Variants in RGS7 observed in about 807,000 individuals in gnomAD.
RGS7 encodes regulator of G protein signaling 7.
Under a neutral mutation model 81.1 loss-of-function variants are expected in RGS7, and 27 were observed. That is an observed-to-expected ratio of 0.33 (90% CI 0.25 to 0.46). The LOEUF (loss-of-function observed/expected upper bound fraction) is 0.46. Ranked by LOEUF, RGS7 falls within the 20% of genes least tolerant of loss-of-function variation. The probability of loss-of-function intolerance (pLI) is 1.00; values close to 1 mark genes in which losing one functional copy is unlikely to be tolerated. For missense variants in RGS7, 396 were observed against 607.4 expected, an observed-to-expected ratio of 0.65 and a Z score of 3.66; for synonymous variants, 208 against 207.7, an observed-to-expected ratio of 1.00 and a Z score of -0.01.
At chr1:240,994,861 T>G (rs998562909) in intron 3 of RGS7, among the ~76,000 whole-genome samples, 9 of 152,060 alleles carry the variant, frequency 5.9e-5, no homozygotes, top group African/African-American at 2.2e-4. Context: ...TTTGTAGAAA[T>G]AGTGTCTCAC....
At chr1:240,893,038 T>C (rs922685871) in intron 6 of RGS7, among the ~76,000 whole-genome samples, 5 of 152,122 alleles carry the variant, frequency 3.3e-5, no homozygotes, top group African/African-American at 1.2e-4. Context: ...AGTTAAGTGA[T>C]AAATACTGTC....
chr1:241,013,571 G>A (rs546547), intron 3 of RGS7, among the ~76,000 whole-genome samples: 33,078 of 152,126 alleles, frequency 0.22, 3,812 homozygotes, highest in Middle Eastern at 0.32. Flanking sequence ...TAGTGTCGTG[G>A]TGTTGTTGTG....
At chr1:240,946,521 T>C (rs1230024856) in intron 4 of RGS7, among the ~76,000 whole-genome samples, 2 of 152,040 alleles carry the variant, frequency 1.3e-5, no homozygotes, top group Non-Finnish European at 2.9e-5. Context: ...GTGGGAGAAT[T>C]GCTTGAGCCC....
In RGS7 at chr1:240,924,578, C is replaced by T. The variant is rs1674117673; in HGVS notation, c.385+6139G>A. 1.3e-5 allele frequency among the ~76,000 whole-genome samples: 2 copies of T among 152,188 alleles called. 1 individual carries two copies. The highest frequency in any genetic ancestry group is 1.3e-4 in the Admixed American group (2 of 15,276). On this transcript the variant is annotated intron_variant, in intron 6 of 18. Transcript: ENST00000440928. ...CCAGAAAGTCTGTATCTCTCCCACA[C>T]ACATCTCTCCCTTCCATACTAAATA...
At chr1:240,920,547 T>A in intron 6 of RGS7, 1 of 858,174 alleles carries the variant, frequency 1.2e-6, no homozygotes, top group South Asian at 1.3e-5. Flanking sequence ...TGTCAAACCA[T>A]GAAACTAAGG....
intron 9 of RGS7, among the ~76,000 whole-genome samples, chr1:240,859,927 A>G (rs796974377): frequency 3.3e-5 from 5 of 152,268 alleles, no homozygotes; most frequent in South Asian, 4.1e-4. Flanking sequence ...GCTAGTTTGA[A>G]ATATTTTTAT....
rs141910619 is a variant in RGS7 at position 240,940,147 on chromosome 1, A to G, written c.227-3441T>C. Among the ~76,000 whole-genome samples the G allele has an allele frequency of 2.6e-4, 39 of 152,284 alleles. 1 individual carries two copies. In the East Asian group the frequency reaches 7.5e-3, roughly 29 times the overall value. On this transcript the variant is annotated intron_variant, in intron 4 of 18. Transcript: ENST00000440928. ...GTAACCCCTACTTTCCACTAGTTTT[A>G]TGCCCCCAATATATTCCCTAGTGAT...
rs112646005 is a variant in RGS7 at position 241,182,991 on chromosome 1, G to A, written c.79-84229C>T. 1.2e-3 allele frequency among the ~76,000 whole-genome samples: 184 copies of A among 148,392 alleles called. 1 individual carries two copies. Among genetic ancestry groups the A allele is most frequent in the African/African-American group, 4.0e-3 (162 of 40,068 alleles). On this transcript the variant is annotated intron_variant, in intron 2 of 18. Coordinates refer to ENST00000440928, the MANE Select transcript of RGS7 (RefSeq NM_001364886.1). ...AAGAATGGAAAAATGCATACATACC[G>A]TGCTCTGGTCCACATTTATTTGCTT...
intron 2 of RGS7, among the ~76,000 whole-genome samples, chr1:241,320,183 A>G (rs908016197): frequency 6.6e-6 from 1 of 152,194 alleles, no homozygotes; most frequent in Non-Finnish European, 1.5e-5. Context: ...AGTTCCCTGA[A>G]GCATCATGCT....
At chr1:241,199,388 C>T (rs566877801) in intron 2 of RGS7, among the ~76,000 whole-genome samples, 72 of 151,706 alleles carry the variant, frequency 4.7e-4, no homozygotes, top group African/African-American at 1.5e-3. Context: ...TGCGCCACTG[C>T]ACTCCAGCCT....
At chr1:241,055,071 T>C (rs1218785944) in intron 3 of RGS7, among the ~76,000 whole-genome samples, 3 of 152,142 alleles carry the variant, frequency 2.0e-5, no homozygotes. Context: ...CCATATGTAG[T>C]AAGGGAAAGT....
At chr1:240,973,497 A>G (rs1022944458) in intron 4 of RGS7, among the ~76,000 whole-genome samples, 3 of 148,754 alleles carry the variant, frequency 2.0e-5, no homozygotes, top group African/African-American at 7.3e-5. Flanking sequence ...GTGACAGAGC[A>G]AGACTGACTC....
At chr1:241,342,519 C>A (rs187096409) in intron 2 of RGS7, among the ~76,000 whole-genome samples, 165 of 152,248 alleles carry the variant, frequency 1.1e-3, no homozygotes, top group African/African-American at 3.5e-3. Flanking sequence ...CTTTCCTCAG[C>A]GGATAGTGAG....
chr1:241,113,128 A>G (rs1294235514), intron 2 of RGS7, among the ~76,000 whole-genome samples: 1 of 152,206 alleles, frequency 6.6e-6, no homozygotes, highest in African/African-American at 2.4e-5. Flanking sequence ...CTAGTCCAAT[A>G]ACTGGCTCTT....
chr1:240,965,770 A>G (rs1274575048), intron 4 of RGS7, among the ~76,000 whole-genome samples: 1 of 152,218 alleles, frequency 6.6e-6, no homozygotes, highest in Non-Finnish European at 1.5e-5. Flanking sequence ...CTGGACAGAC[A>G]AGAAACTGGA....
intron 2 of RGS7, among the ~76,000 whole-genome samples, chr1:241,202,021 C>G (rs927934125): frequency 2.0e-5 from 3 of 150,600 alleles, no homozygotes; most frequent in Non-Finnish European, 3.0e-5. Flanking sequence ...GACACACACA[C>G]ACACACACAC....
rs191655462 is a variant in RGS7 at position 241,211,489 on chromosome 1, T to C, written c.79-112727A>G. 2.8e-3 allele frequency among the ~76,000 whole-genome samples: 431 copies of C among 152,210 alleles called. 1 individual carries two copies. Among genetic ancestry groups the C allele is most frequent in the Admixed American group, 5.0e-3 (76 of 15,282 alleles). ...TGGAGTAGTGAGCAACACGAGGTGG[T>C]GGGACAAAAGCCATTCCTTTAAGTG... On this transcript the variant is annotated intron_variant, in intron 2 of 18. Coordinates refer to ENST00000440928, the MANE Select transcript of RGS7 (RefSeq NM_001364886.1).
chr1:241,169,235 T>C (rs1020356474), intron 2 of RGS7, among the ~76,000 whole-genome samples: 1 of 152,120 alleles, frequency 6.6e-6, no homozygotes, highest in East Asian at 1.9e-4. Flanking sequence ...TGTATCTATA[T>C]GTGTATGTTC....
intron 14 of RGS7, 68 bp from the exon 15 acceptor site, chr1:240,806,394 C>A: frequency 6.8e-7 from 1 of 1,477,812 alleles, no homozygotes; most frequent in Non-Finnish European, 9.5e-7. Flanking sequence ...GTGACATTTA[C>A]GGATCATGCA....
Sources: gnomAD v4.1 joint callset for allele counts (sites outside exome capture counted in the v4.1 genomes callset) on GRCh38, gnomAD v4.1.1 for gene constraint, MANE v1.5 for transcripts, NCBI Gene and HGNC (gene_info 2026-07-23, HGNC 2026-07-21) for gene names.